Variants in EP400 observed in about 807,000 individuals in gnomAD.
The protein encoded by EP400 is E1A-binding protein p400.
In EP400, 105 loss-of-function variants were observed where a neutral mutation model predicts 354.1. That is an observed-to-expected ratio of 0.30 (90% CI 0.25 to 0.35). The LOEUF (loss-of-function observed/expected upper bound fraction) is 0.35, where lower values mean the gene tolerates loss of function less well. Ranked by LOEUF, EP400 falls within the 10% of genes least tolerant of loss-of-function variation. The pLI is 1.00. For missense variants in EP400, 3,280 were observed against 4,121.0 expected (o/e 0.80, Z 5.59); for synonymous variants, 1,646 against 1,716.9 (o/e 0.96, Z 1.02).
chr12:131,996,043 G>T (rs1322693191), intron 12 of EP400, among the ~76,000 whole-genome samples: 1 of 152,234 alleles, frequency 6.6e-6, no homozygotes, highest in African/African-American at 2.4e-5. Flanking sequence ...TACTCAGCCT[G>T]GATGTCCTGA....
At chr12:131,955,770 G>T (rs974688116) in intron 1 of EP400, among the ~76,000 whole-genome samples, 1 of 151,970 alleles carries the variant, frequency 6.6e-6, no homozygotes, top group Non-Finnish European at 1.5e-5. Flanking sequence ...TCAGCCTCCC[G>T]AGTAGCTGTG....
At position 132,050,432 on chromosome 12, in the gene EP400, G is replaced by T; in HGVS notation, c.7310G>T (p.Gly2437Val). 6.2e-7 allele frequency: 1 copy of T among 1,614,144 alleles called. No homozygotes were observed. Among genetic ancestry groups the T allele is most frequent in the Non-Finnish European group, 8.5e-7 (1 of 1,180,032 alleles). The change falls in exon 40 of 53, where the codon GGC (glycine) becomes GTC (valine). Residue 2437 changes from glycine to valine, a missense_variant. Physicochemically the swap from Gly to Val is moderately radical, Grantham distance 109. Transcript: ENST00000389561. The surrounding 1 kb of genome is among the most constrained non-coding windows in gnomAD (Gnocchi z 4.8). ...SHFDLMKMTAGKRSPPIKPLL... is the reference protein window; with the variant it reads ...SHFDLMKMTAVKRSPPIKPLL... ...TTTGACTTAATGAAAATGACTGCTG[G>T]CAAGAGGAGTCCCCCAATCAAACCT...
intron 12 of EP400, among the ~76,000 whole-genome samples, chr12:132,001,860 A>G (rs1463870122): frequency 6.6e-6 from 1 of 152,204 alleles, no homozygotes; most frequent in Admixed American, 6.5e-5. Context: ...ATAATATTGG[A>G]ATAAAGAGTA....
Position 132,070,505 on chromosome 12 carries a change from G to A in EP400, c.9021+864G>A, listed in dbSNP as rs376966337. On this transcript the variant is annotated intron_variant, in intron 51 of 52. Coordinates refer to ENST00000389561, the MANE Select transcript of EP400 (RefSeq NM_015409.5). This position sits in a 1 kb window ranked among gnomAD's most constrained non-coding sequence, Gnocchi z 4.1. ...CAGTGACACTTGGTGTCTGGAGGGC[G>A]AGTCCCCCTACCACACCCTTCCTTG... 8.5e-4 allele frequency among the ~76,000 whole-genome samples: 130 copies of A among 152,340 alleles called. 2 individuals are homozygous for A. The South Asian group carries it at 0.026, about 30-fold the overall frequency.
chr12:131,999,108 A>G (rs1352253928), intron 12 of EP400, among the ~76,000 whole-genome samples: 2 of 151,916 alleles, frequency 1.3e-5, no homozygotes, highest in Admixed American at 1.3e-4. Context: ...AGAAAGGCAG[A>G]TTATTAGAGT....
intron 19 of EP400, among the ~76,000 whole-genome samples, chr12:132,015,992 C>G (rs142241786): frequency 1.3e-5 from 2 of 152,162 alleles, no homozygotes; most frequent in Non-Finnish European, 2.9e-5. Flanking sequence ...CTGCCCAGAC[C>G]CCCCTGTGCT....
intron 2 of EP400, among the ~76,000 whole-genome samples, chr12:131,967,965 T>C (rs1284168334): frequency 2.0e-5 from 3 of 152,234 alleles, no homozygotes; most frequent in East Asian, 1.9e-4. Flanking sequence ...TTCAGAGTTA[T>C]TACTGCATTT....
intron 30 of EP400, among the ~76,000 whole-genome samples, chr12:132,032,732 G>A (rs922660881): frequency 7.3e-5 from 11 of 151,432 alleles, no homozygotes; most frequent in Middle Eastern, 3.2e-3. Flanking sequence ...CCGGGTTCAA[G>A]CAATTCTTCT....
rs754714973 is a variant in EP400 at position 132,045,830 on chromosome 12, G to A, written c.7130G>A (p.Arg2377Gln). 1.2e-5 allele frequency: 20 copies of A among 1,614,024 alleles called. No individual in the cohort carries two copies. The highest frequency in any genetic ancestry group is 1.5e-5 in the Non-Finnish European group (18 of 1,180,042). The change falls in exon 39 of 53, where the codon CGA becomes CAA. Residue 2377 changes from arginine (R) to glutamine (Q), a missense_variant. By Grantham distance (43) the Arg-to-Gln change is conservative (BLOSUM62 1). Coordinates refer to ENST00000389561, the MANE Select transcript of EP400 (RefSeq NM_015409.5). ...LVSDVVNSCS[R>Q]IYRSSKQCRN... Reference sequence around the variant, plus strand: ...AGTGACGTTGTTAACTCCTGTAGCCGAATCTACCGCTCTTCCAAACAGTGC... The same window carrying A: ...AGTGACGTTGTTAACTCCTGTAGCCAAATCTACCGCTCTTCCAAACAGTGC...
intron 13 of EP400, 99 bp downstream of exon 13, chr12:132,005,283 T>TC: frequency 2.5e-6 from 2 of 802,608 alleles, no homozygotes; most frequent in Non-Finnish European, 3.7e-6. Context: ...TTTAGTTTGA[T>TC]AAAATAAAAA....
rs1593309853 is a variant in EP400 at position 131,960,688 on chromosome 12, C to T, written c.69C>T (p.Ser23=). The T allele has an allele frequency of 7.0e-6, 11 of 1,580,404 alleles. No homozygotes were observed. Among genetic ancestry groups the T allele is most frequent in the South Asian group, 2.3e-5 (2 of 86,280 alleles). The change falls in exon 2 of 53, where the codon AGC becomes AGT. Residue 23 remains serine, a synonymous_variant. Coordinates refer to ENST00000389561, the MANE Select transcript of EP400 (RefSeq NM_015409.5). ...QLQRSRACPG[S]EGEEQPAHPN... ...AGAGGTCCAGGGCCTGCCCTGGCAGCGAGGGTGAGGAGCAGCCGGCCCACC... is the reference window on the plus strand; with the variant it reads ...AGAGGTCCAGGGCCTGCCCTGGCAGTGAGGGTGAGGAGCAGCCGGCCCACC...
intron 47 of EP400, among the ~76,000 whole-genome samples, chr12:132,064,464 T>C (rs534284922): frequency 5.3e-5 from 8 of 152,332 alleles, no homozygotes; most frequent in African/African-American, 1.9e-4. Context: ...TGTTTGTAGT[T>C]TTCACCGACG....
Position 131,990,647 on chromosome 12 carries a change from A to C in EP400, c.2562A>C (p.Ile854=). Residue 854 remains isoleucine (I), a synonymous_variant, in exon 9 of 53, where the codon ATA becomes ATC. Transcript: ENST00000389561. The surrounding 1 kb of genome is among the most constrained non-coding windows in gnomAD (Gnocchi z 4.2). ...FWSNIEQVVE[I]KLRVELEEKR... ...TCCTTTGCATTTAGGTTGTGGAAAT[A>C]AAACTACGAGTAGAATTAGAAGAAA... 1 of 1,611,028 alleles carries C rather than the reference A, an allele frequency of 6.2e-7. No individual in the cohort carries two copies. Among genetic ancestry groups the C allele is most frequent in the Non-Finnish European group, 8.5e-7 (1 of 1,177,846 alleles).
chr12:132,006,171 C>G lies in EP400; in HGVS notation c.2995C>G (p.Leu999Val), dbSNP rs1203349981. The stretch of plus-strand genomic sequence containing the variant: ...CAAGGACTTGGTTCTCATCGACTCG[C>G]TTTTCATCATGGATCAGTTCAAAGC... Reference protein sequence around the residue: ...SRKDLVLIDSLFIMDQFKAAE... With the variant: ...SRKDLVLIDSVFIMDQFKAAE... Residue 999 changes from leucine to valine, a missense_variant, in exon 14 of 53, where the codon CTT becomes GTT. Physicochemically the swap from Leu to Val is conservative, Grantham distance 32. This residue lies in a region of EP400 where 800 missense variants were observed against 840.0 expected (regional missense o/e 0.95). Coordinates refer to ENST00000389561, the MANE Select transcript of EP400 (RefSeq NM_015409.5). 3.7e-6 allele frequency: 6 copies of G among 1,614,090 alleles called. No homozygotes were observed. Among genetic ancestry groups the G allele is most frequent in the Non-Finnish European group, 5.1e-6 (6 of 1,180,052 alleles).
intron 15 of EP400, among the ~76,000 whole-genome samples, chr12:132,007,158 G>A (rs1404311153): frequency 2.6e-5 from 4 of 152,248 alleles, no homozygotes; most frequent in African/African-American, 9.6e-5. Flanking sequence ...ACTGTGCAGT[G>A]TGTGGGCAGC....
At chr12:131,967,915 A>G (rs1001107050) in intron 2 of EP400, among the ~76,000 whole-genome samples, 1 of 152,146 alleles carries the variant, frequency 6.6e-6, no homozygotes, top group Non-Finnish European at 1.5e-5. Context: ...TGCTGTTCGT[A>G]TATCTTTGAC....
At chr12:132,031,695 G>A (rs1593360182) in intron 29 of EP400, among the ~76,000 whole-genome samples, 1 of 152,190 alleles carries the variant, frequency 6.6e-6, no homozygotes, top group East Asian at 1.9e-4. Context: ...AGCTGGGACT[G>A]CAGGCGCCTG....
chr12:132,049,376 T>G (rs1895220274), intron 39 of EP400, among the ~76,000 whole-genome samples: 1 of 152,236 alleles, frequency 6.6e-6, no homozygotes, highest in East Asian at 1.9e-4. Flanking sequence ...TGCTTCCCTG[T>G]ATGGTACAGT....
intron 51 of EP400, among the ~76,000 whole-genome samples, chr12:132,071,985 A>T (rs933650633): frequency 3.3e-5 from 5 of 152,298 alleles, no homozygotes; most frequent in African/African-American, 1.2e-4. Flanking sequence ...GAATCTTGTG[A>T]TGTTCAATCA....
Sources: allele counts gnomAD v4.1 joint callset (sites outside exome capture counted in the v4.1 genomes callset), GRCh38; gene constraint gnomAD v4.1.1; regional missense constraint gnomAD v4.1.1; non-coding constraint Gnocchi (gnomAD v3.1); transcripts MANE v1.5; gene names NCBI Gene and HGNC (gene_info 2026-07-23, HGNC 2026-07-21).